HABP4: variants seen among roughly 807,000 people sequenced by gnomAD.
HABP4 encodes the protein hyaluronan binding protein 4.
In HABP4, 32 loss-of-function variants were observed where a neutral mutation model predicts 44.1. The ratio of observed to expected loss-of-function variants is 0.73; its 90% CI spans 0.55 to 0.97. HABP4 has a LOEUF of 0.97. HABP4 is among the 50% of genes least tolerant of loss of function. HABP4 has a pLI of 0.00. For missense variants in HABP4, 503 were observed against 561.9 expected, an observed-to-expected ratio of 0.90 and a Z score of 1.06; for synonymous variants, 216 against 218.0, an observed-to-expected ratio of 0.99 and a Z score of 0.08.
At chr9:96,460,950 A>G (rs1832490647) in intron 2 of HABP4, among the ~76,000 whole-genome samples, 1 of 152,226 alleles carries the variant, frequency 6.6e-6, no homozygotes, top group African/African-American at 2.4e-5. Flanking sequence ...AAACATATAA[A>G]GTTTTATTTG....
intron 5 of HABP4, among the ~76,000 whole-genome samples, chr9:96,474,040 G>T (rs566564832): frequency 6.6e-6 from 1 of 152,154 alleles, no homozygotes; most frequent in African/African-American, 2.4e-5. Flanking sequence ...GTGTGCGTGC[G>T]TTTATATCTG....
At chr9:96,484,276 G>A (rs769851870) in intron 5 of HABP4, 186 bp from the exon 6 acceptor site, 113 of 518,564 alleles carry the variant, frequency 2.2e-4, no homozygotes, top group Non-Finnish European at 3.4e-4. Context: ...TCTGTTGGCA[G>A]TGATGACATA....
chr9:96,487,948 C>T, intron 6 of HABP4, 141 bp from the exon 7 acceptor site: 1 of 659,096 alleles, frequency 1.5e-6, no homozygotes, highest in South Asian at 1.9e-5. Flanking sequence ...CAGCCCAGGG[C>T]CAGAGACAAA....
At chr9:96,450,160 G>A (rs1304272279), upstream of HABP4, 12 of 1,029,072 alleles carry the variant, frequency 1.2e-5, no homozygotes, top group East Asian at 4.4e-5. This position sits in a 1 kb window ranked among gnomAD's most constrained non-coding sequence, Gnocchi z 4.8. Flanking sequence ...GGTAGGGGCC[G>A]GACAGGGTAG....
At chr9:96,471,799 G>GT (rs560121537) in intron 5 of HABP4, among the ~76,000 whole-genome samples, 40 of 151,348 alleles carry the variant, frequency 2.6e-4, no homozygotes, top group Non-Finnish European at 4.6e-4. Flanking sequence ...TTTTTCTGGG[G>GT]TTTTTTTTGA....
At chr9:96,454,496 G>A (rs1832339542) in intron 1 of HABP4, among the ~76,000 whole-genome samples, 1 of 149,322 alleles carries the variant, frequency 6.7e-6, no homozygotes, top group Non-Finnish European at 1.5e-5. Context: ...TGTTGCCCAG[G>A]CTGAAGTGCA....
chr9:96,479,545 T>C (rs1333828757), intron 5 of HABP4, among the ~76,000 whole-genome samples: 1 of 152,040 alleles, frequency 6.6e-6, no homozygotes, highest in Non-Finnish European at 1.5e-5. Flanking sequence ...GGAGTTTCAC[T>C]CTTGCCGAGC....
At position 96,490,665 on chromosome 9, in the gene HABP4, G is replaced by A. The variant is rs560675114; in HGVS notation, c.*627G>A. Reference sequence around the variant, plus strand: ...TTTTAATGGTGATTTAAACTACCTCGTGGTTTCTGTGTGTGTGCACACACA... The same window carrying A: ...TTTTAATGGTGATTTAAACTACCTCATGGTTTCTGTGTGTGTGCACACACA... On this transcript the variant is annotated 3_prime_UTR_variant, in exon 8 of 8. Transcript: ENST00000375249. 5.9e-5 allele frequency: 9 copies of A among 152,266 alleles called. No individual in the cohort carries two copies. The highest frequency in any genetic ancestry group is 2.1e-4 in the South Asian group (1 of 4,812). 9.4% of individuals were successfully genotyped at this position (152,266 alleles called of 1,614,324 possible).
At position 96,488,141 on chromosome 9, in the gene HABP4, A is replaced by T; in HGVS notation, c.1052A>T (p.Asn351Ile). Reference sequence around the variant, plus strand: ...TCCCATGTTTTCCGGAAACCCGCCAATGACATCACATCCCAGCTGGAGATT... The same window carrying T: ...TCCCATGTTTTCCGGAAACCCGCCATTGACATCACATCCCAGCTGGAGATT... ...DDSHVFRKPA[N>I]DITSQLEINF... is the part of the protein sequence containing the mutation. The change falls in exon 7 of 8, where the codon AAT (asparagine) becomes ATT (isoleucine). Residue 351 changes from asparagine to isoleucine, a missense_variant. Transcript: ENST00000375249. The surrounding 1 kb of genome is among the most constrained non-coding windows in gnomAD (Gnocchi z 4.6). 1 of 1,613,550 alleles carries T rather than the reference A, an allele frequency of 6.2e-7. No homozygotes were observed. The highest frequency in any genetic ancestry group is 1.1e-5 in the South Asian group (1 of 91,072).
intron 4 of HABP4, 106 bp from the exon 5 acceptor site, chr9:96,470,905 A>C (rs534101370): frequency 1.3e-6 from 1 of 740,832 alleles, no homozygotes; most frequent in African/African-American, 1.8e-5. Flanking sequence ...AAAAAAAAAA[A>C]AAAAACCCAA....
intron 2 of HABP4, among the ~76,000 whole-genome samples, chr9:96,462,819 G>A (rs1832529391): frequency 6.6e-6 from 1 of 151,680 alleles, no homozygotes; most frequent in Non-Finnish European, 1.5e-5. Context: ...CTGCTTGGGG[G>A]ACTGACATGG....
In HABP4 at chr9:96,450,328, C is replaced by T; in HGVS notation, c.49C>T (p.Gln17Ter). The T allele has an allele frequency of 7.1e-7, 1 of 1,410,596 alleles. No homozygotes were observed. Among genetic ancestry groups the T allele is most frequent in the Non-Finnish European group, 9.4e-7 (1 of 1,064,026 alleles). The allele number at this position is 1,410,596 out of a possible 1,614,324, so 87.4% of individuals were successfully genotyped here. A position where few individuals can be genotyped will look rare whatever the true frequency, so the allele number is the denominator to read the frequency against. ...CGTGGCTGCCGCTGGCGCCGCGATGCAGGAGAGTTTCGGCTGCGTGGTGGC... is the reference window on the plus strand; with the variant it reads ...CGTGGCTGCCGCTGGCGCCGCGATGTAGGAGAGTTTCGGCTGCGTGGTGGC... The part of the protein sequence containing the change: ...SPVAAAGAAM[Q>*]ESFGCVVANR... The change falls in exon 1 of 8, where the codon CAG (glutamine) becomes TAG (stop). Residue 17 changes from glutamine to a stop codon, truncating the protein, a stop_gained. Transcript: ENST00000375249. LOFTEE classifies it high-confidence loss of function. This position sits in a 1 kb window ranked among gnomAD's most constrained non-coding sequence, Gnocchi z 4.8.
rs1156687764 is a variant in HABP4, at chr9:96,490,678, G to A, written c.*640G>A. The A allele has an allele frequency of 6.6e-6, 1 of 152,166 alleles. No homozygotes were observed. The highest frequency in any genetic ancestry group is 2.4e-5 in the African/African-American group (1 of 41,418). The allele number at this position is 152,166 out of a possible 1,614,324, so 9.4% of individuals were successfully genotyped here. On this transcript the variant is annotated 3_prime_UTR_variant, in exon 8 of 8. Transcript: ENST00000375249. ...TTAAACTACCTCGTGGTTTCTGTGT[G>A]TGTGCACACACACATCTAGTGTTTG...
chr9:96,453,732 G>T (rs1394170045), intron 1 of HABP4, among the ~76,000 whole-genome samples: 2 of 152,218 alleles, frequency 1.3e-5, no homozygotes, highest in Non-Finnish European at 2.9e-5. Flanking sequence ...ACCTGGGCTT[G>T]GTTTAGATGA....
chr9:96,468,700 C>G (rs1402412504), intron 4 of HABP4, among the ~76,000 whole-genome samples: 1 of 152,146 alleles, frequency 6.6e-6, no homozygotes, highest in East Asian at 1.9e-4. Flanking sequence ...CTAGTCAAAG[C>G]TCTTAGGTGG....
intron 5 of HABP4, among the ~76,000 whole-genome samples, chr9:96,471,467 C>A (rs74803806): frequency 0.025 from 3,870 of 152,182 alleles, 70 homozygotes; most frequent in Middle Eastern, 0.051. Context: ...AAGAGCTCTT[C>A]ACAGACTGGG....
intron 1 of HABP4, among the ~76,000 whole-genome samples, chr9:96,456,468 AAT>A (rs1747431863): frequency 6.6e-6 from 1 of 151,996 alleles, no homozygotes; most frequent in South Asian, 2.1e-4. Flanking sequence ...ATAGTTAAAA[AAT>A]ATAACTGTGG....
In HABP4 at chr9:96,450,436, C is replaced by T; in HGVS notation, c.157C>T (p.Leu53=). 1 of 1,337,922 alleles carries T rather than the reference C, an allele frequency of 7.5e-7. No homozygotes were observed. Among genetic ancestry groups the T allele is most frequent in the Middle Eastern group, 2.1e-4 (1 of 4,658 alleles). The allele number at this position is 1,337,922 out of a possible 1,614,324, so 82.9% of individuals were successfully genotyped here. A position where few individuals can be genotyped will look rare whatever the true frequency, so the allele number is the denominator to read the frequency against. ...GGCCGAGCGCCGGCGCCAGCAGCAGCTGCAGCGCAAGAGGCGCGACGAGGC... is the reference window on the plus strand; with the variant it reads ...GGCCGAGCGCCGGCGCCAGCAGCAGTTGCAGCGCAAGAGGCGCGACGAGGC... The part of the protein sequence containing the change: ...REAERRRQQQ[L]QRKRRDEAAA... Residue 53 remains leucine (L), a synonymous_variant, in exon 1 of 8, where the codon CTG becomes TTG. Coordinates refer to ENST00000375249, the MANE Select transcript of HABP4 (RefSeq NM_014282.4). This position sits in a 1 kb window ranked among gnomAD's most constrained non-coding sequence, Gnocchi z 4.8.
intron 5 of HABP4, chr9:96,484,208 CA>C: frequency 3.0e-6 from 1 of 330,758 alleles, no homozygotes; most frequent in South Asian, 5.5e-5. Context: ...TTAATGTCAT[CA>C]GGATGGTGAT....
Sources: allele counts gnomAD v4.1 joint callset (sites outside exome capture counted in the v4.1 genomes callset), GRCh38; gene constraint gnomAD v4.1.1; non-coding constraint Gnocchi (gnomAD v3.1); transcripts MANE v1.5; gene names NCBI Gene and HGNC (gene_info 2026-07-23, HGNC 2026-07-21).